EPG5: variants seen among roughly 807,000 people sequenced by gnomAD.
EPG5 encodes ectopic P granules protein 5 homolog.
Under a neutral mutation model 302.7 loss-of-function variants are expected in EPG5, and 159 were observed. The observed-to-expected ratio is 0.53, with a 90% confidence interval of 0.46 to 0.60. The LOEUF (loss-of-function observed/expected upper bound fraction) is 0.60. Ranked by LOEUF, EPG5 falls within the 20% of genes least tolerant of loss-of-function variation. The pLI is 0.00. For synonymous variants in EPG5, 1,158 were observed against 1,136.8 expected (o/e 1.02, Z -0.37); for missense variants, 2,896 against 3,092.4 (o/e 0.94, Z 1.51).
At chr18:45,877,435 T>A (rs1055741640) in intron 34 of EPG5, among the ~76,000 whole-genome samples, 2 of 152,004 alleles carry the variant, frequency 1.3e-5, no homozygotes, top group African/African-American at 4.8e-5. Flanking sequence ...AATTTTTTTT[T>A]ATTTTCTGAA....
At position 45,885,060 on chromosome 18, in the gene EPG5, C is replaced by T. The variant is rs115533345; in HGVS notation, c.5110-249G>A. On this transcript the variant is annotated intron_variant, in intron 29 of 43. Transcript: ENST00000282041. ...TCACACAGAAAATGCTGAGTTAGTCCGGGTGCAGTTGCTCACGCTTGTAAT... is the reference window on the plus strand; with the variant it reads ...TCACACAGAAAATGCTGAGTTAGTCTGGGTGCAGTTGCTCACGCTTGTAAT... 0.038 allele frequency among the ~76,000 whole-genome samples: 5,711 copies of T among 152,136 alleles called. 320 individuals carry two copies. The highest frequency in any genetic ancestry group is 0.13 in the African/African-American group (5,189 of 41,482).
chr18:45,876,400 T>G, intron 34 of EPG5, 58 bp from the exon 35 acceptor site: 1 of 1,415,620 alleles, frequency 7.1e-7, no homozygotes, highest in Non-Finnish European at 1.0e-6. Flanking sequence ...TACTGTTAAG[T>G]CCCAGTGTCT....
rs2048417240 is a variant in EPG5 at position 45,851,064 on chromosome 18, T to A, written c.*1403A>T. 6.6e-6 allele frequency: 1 copy of A among 152,180 alleles called. No individual in the cohort carries two copies. Among genetic ancestry groups the A allele is most frequent in the Middle Eastern group, 3.2e-3 (1 of 316 alleles). 9.4% of individuals were successfully genotyped at this position (152,180 alleles called of 1,614,324 possible). On this transcript the variant is annotated 3_prime_UTR_variant, in exon 44 of 44. Transcript: ENST00000282041. ...TCTGTCCAAGTAAAGAAATTCAAAG[T>A]AAAGAAAAGCTCCTACCAACTTCCC...
intron 9 of EPG5, among the ~76,000 whole-genome samples, chr18:45,940,000 G>GT (rs1401703022): frequency 6.6e-6 from 1 of 152,034 alleles, no homozygotes; most frequent in Non-Finnish European, 1.5e-5. Context: ...TCACATGGTT[G>GT]TAAGTGACAC....
chr18:45,885,671 C>T (rs1219916862), intron 29 of EPG5, among the ~76,000 whole-genome samples: 1 of 152,096 alleles, frequency 6.6e-6, no homozygotes, highest in East Asian at 1.9e-4. Context: ...TGGTTGACCA[C>T]AGGCGGAAAT....
At position 45,850,455 on chromosome 18, in the gene EPG5, T is replaced by G. The variant is rs1386753407; in HGVS notation, c.*2012A>C. ...GAGTTTCCCATAGACACCTAGGAGT[T>G]GAGTCAACCTTCCAAGGTTAAGCAA... On this transcript the variant is annotated 3_prime_UTR_variant, in exon 44 of 44. Transcript: ENST00000282041. 3.3e-5 allele frequency: 5 copies of G among 152,218 alleles called. No homozygotes were observed. Among genetic ancestry groups the G allele is most frequent in the Non-Finnish European group, 5.9e-5 (4 of 68,036 alleles). The allele number at this position is 152,218 out of a possible 1,614,324, so 9.4% of individuals were successfully genotyped here. A position where few individuals can be genotyped will look rare whatever the true frequency, so the allele number is the denominator to read the frequency against.
the EPG5 span, chr18:45,837,571 C>A: frequency 6.6e-7 from 1 of 1,515,674 alleles, no homozygotes; most frequent in Admixed American, 2.0e-5. Context: ...CGGAGGCAGG[C>A]GACGCGGCAG....
Position 45,901,147 on chromosome 18 carries a change from T to C in EPG5, c.4495A>G (p.Asn1499Asp). The change falls in exon 26 of 44, where the codon AAC (asparagine) becomes GAC (aspartate). Residue 1499 changes from asparagine (N) to aspartate (D), a missense_variant. By Grantham distance (23) the Asn-to-Asp change is conservative. This residue lies in a region of EPG5 where 790 missense variants were observed against 798.0 expected (regional missense o/e 0.99). Transcript: ENST00000282041. Reference sequence around the variant, plus strand: ...TGGGGAGCCTCATGCTTCCGCAAGTTACTTAAAACCCTTTCTTTAGCTGAA... The same window carrying C: ...TGGGGAGCCTCATGCTTCCGCAAGTCACTTAAAACCCTTTCTTTAGCTGAA... ...PLLAKERVLS[N>D]LRKHEAPQPP... 1 of 1,614,164 alleles carries C rather than the reference T, an allele frequency of 6.2e-7. No individual in the cohort carries two copies. Among genetic ancestry groups the C allele is most frequent in the Non-Finnish European group, 8.5e-7 (1 of 1,180,036 alleles).
At chr18:45,882,762 C>G (rs562902518) in intron 30 of EPG5, among the ~76,000 whole-genome samples, 4 of 152,182 alleles carry the variant, frequency 2.6e-5, no homozygotes, top group South Asian at 2.1e-4. Flanking sequence ...AATCCCGGCA[C>G]TTTGGGAGGC....
At chr18:45,930,945 G>T in intron 11 of EPG5, 115 bp from the exon 12 acceptor site, 3 of 1,025,588 alleles carry the variant, frequency 2.9e-6, no homozygotes, top group Non-Finnish European at 4.1e-6. Flanking sequence ...GTCTTTCTTT[G>T]TTCCAAAATA....
the EPG5 span, chr18:45,837,570 G>A: frequency 9.2e-6 from 14 of 1,516,028 alleles, no homozygotes; most frequent in Non-Finnish European, 1.2e-5. Context: ...GCGGAGGCAG[G>A]CGACGCGGCA....
chr18:45,813,038 T>G, the EPG5 span, among the ~76,000 whole-genome samples: 5 of 152,124 alleles, frequency 3.3e-5, no homozygotes, highest in African/African-American at 1.2e-4. Flanking sequence ...AGGGCTAATA[T>G]ACAGAATCTA....
At chr18:45,889,755 A>G in intron 28 of EPG5, 43 bp downstream of exon 28, 1 of 1,562,868 alleles carries the variant, frequency 6.4e-7, no homozygotes, top group Non-Finnish European at 8.7e-7. Flanking sequence ...ACTATTCATG[A>G]TAACAAAACA....
intron 23 of EPG5, among the ~76,000 whole-genome samples, chr18:45,909,222 C>G (rs2049833518): frequency 6.6e-6 from 1 of 152,158 alleles, no homozygotes; most frequent in Non-Finnish European, 1.5e-5. Flanking sequence ...AAGTAGTTCT[C>G]TCCTCCAGCT....
chr18:45,831,394 A>T, the EPG5 span, among the ~76,000 whole-genome samples: 1 of 152,230 alleles, frequency 6.6e-6, no homozygotes, highest in Non-Finnish European at 1.5e-5. Context: ...AAGAGTCTAC[A>T]AACAGAAACC....
chr18:45,939,715 C>T lies in EPG5; in HGVS notation c.1984G>A (p.Val662Met), dbSNP rs756685169. Residue 662 changes from valine (V) to methionine (M), a missense_variant, in exon 10 of 44, where the codon GTG becomes ATG. Val to Met is a conservative substitution (Grantham distance 21). Around this residue, in one of 5 missense-constraint regions of EPG5, gnomAD observed 1,390 missense variants for 1,430.0 expected, o/e 0.97. Transcript: ENST00000282041. Reference sequence around the variant, plus strand: ...AATCCTGAGCCTTGGTTATGGCTCACATACTGTGCCCAATGGTCACTTACA... The same window carrying T: ...AATCCTGAGCCTTGGTTATGGCTCATATACTGTGCCCAATGGTCACTTACA... ...GYVSDHWAQY[V>M]SHNQGSGLAQ... 2 of 1,613,848 alleles carry T rather than the reference C, an allele frequency of 1.2e-6. No individual in the cohort carries two copies. Among genetic ancestry groups the T allele is most frequent in the Middle Eastern group, 1.7e-4 (1 of 5,930 alleles).
In EPG5 at chr18:45,879,229, T is replaced by A; in HGVS notation, c.5668-15A>T. 6.3e-7 allele frequency: 1 copy of A among 1,580,194 alleles called. No individual in the cohort carries two copies. The highest frequency in any genetic ancestry group is 1.8e-5 in the Admixed American group (1 of 54,882). On this transcript the variant is annotated splice_polypyrimidine_tract_variant and intron_variant, in intron 32 of 43. Transcript: ENST00000282041. ...GTCTCCATTACCTGGAAGAGACAAC[T>A]AGTCAAAAAATGCTTACTAAATATG...
rs954842377 is a variant in EPG5 at position 45,954,277 on chromosome 18, C to CT, written c.1008+116dup. The CT allele has an allele frequency of 4.2e-6, 4 of 945,888 alleles. No homozygotes were observed. In the African/African-American group the frequency reaches 5.0e-5, roughly 12 times the overall value. 58.6% of individuals were successfully genotyped at this position (945,888 alleles called of 1,614,324 possible). A position where few individuals can be genotyped will look rare whatever the true frequency, so the allele number is the denominator to read the frequency against. ...CATTTGACTTTGTGATCCCTGCACT[C>CT]TATTACTCTAGGCTGAGGCAGGGTC... On this transcript the variant is annotated intron_variant, in intron 2 of 43. Transcript: ENST00000282041.
At chr18:45,914,187 A>G (rs1020333946) in intron 20 of EPG5, among the ~76,000 whole-genome samples, 3 of 152,238 alleles carry the variant, frequency 2.0e-5, no homozygotes, top group Non-Finnish European at 2.9e-5. Flanking sequence ...AGACTAATAT[A>G]TAAGTAAGCA....
Sources: gnomAD v4.1 joint callset for allele counts (sites outside exome capture counted in the v4.1 genomes callset) on GRCh38, gnomAD v4.1.1 for gene constraint, gnomAD v4.1.1 regional missense constraint, MANE v1.5 for transcripts, NCBI Gene and HGNC (gene_info 2026-07-23, HGNC 2026-07-21) for gene names.